The following SIN3A variants were observed in gnomAD, a reference collection of about 807,000 sequenced individuals.
The protein encoded by SIN3A is SIN3 transcription regulator family member A, also known as paired amphipathic helix protein Sin3a.
SIN3A carries 14 observed loss-of-function variants against 146.1 expected under a neutral mutation model. The observed-to-expected ratio is 0.10, with a 90% CI of 0.06 to 0.15. The LOEUF (loss-of-function observed/expected upper bound fraction) is 0.15, where lower values mean the gene tolerates loss of function less well. Among genes scored for constraint, SIN3A ranks in the 10% least tolerant of loss-of-function variants. The pLI is 1.00. For missense variants in SIN3A, 1,028 were observed against 1,576.0 expected (o/e 0.65, Z 5.89); for synonymous variants, 572 against 572.0 (o/e 1.00, Z 0.00).
chr15:75,400,830 A>G lies in SIN3A; in HGVS notation c.1637T>C (p.Ile546Thr). ...CAATCGTTTACAAGAAGCATAATCT[A>G]TCTCCATAGCAATGCCCTCTGTGGC... ...ERATEGIAME[I>T]DYASCKRLGS... The change falls in exon 11 of 21, where the codon ATA becomes ACA. Residue 546 changes from isoleucine to threonine, a missense_variant. Physicochemically the swap from Ile to Thr is moderately conservative, Grantham distance 89 (BLOSUM62 -1). Around this residue, in one of 9 missense-constraint regions of SIN3A, gnomAD observed 157 missense variants for 284.8 expected, o/e 0.55. Coordinates refer to ENST00000394947, the MANE Select transcript of SIN3A (RefSeq NM_001145358.2). The G allele has an allele frequency of 6.2e-7, 1 of 1,614,140 alleles. No individual in the cohort carries two copies. Among genetic ancestry groups the G allele is most frequent in the Non-Finnish European group, 8.5e-7 (1 of 1,180,004 alleles).
upstream of SIN3A, among the ~76,000 whole-genome samples, chr15:75,454,566 C>A (rs2074460893): frequency 6.6e-6 from 1 of 151,640 alleles, no homozygotes; most frequent in Non-Finnish European, 1.5e-5. Context: ...CCCCCCGCGC[C>A]CCTCCCCGCC....
In SIN3A at chr15:75,412,781, T is replaced by A. The variant is rs778298312; in HGVS notation, c.738A>T (p.Pro246=). The A allele has an allele frequency of 1.3e-6, 2 of 1,587,382 alleles. No homozygotes were observed. Among genetic ancestry groups the A allele is most frequent in the Non-Finnish European group, 1.7e-6 (2 of 1,165,196 alleles). Residue 246 remains proline (P), a synonymous_variant, in exon 5 of 21, where the codon CCA becomes CCT. Transcript: ENST00000394947. ...TGCTCACCTTGCTGACTTTGGCAGGTGGGGGCTGAGGAGCTGGCTGGGCAG... is the reference window on the plus strand; with the variant it reads ...TGCTCACCTTGCTGACTTTGGCAGGAGGGGGCTGAGGAGCTGGCTGGGCAG... ...PAPAQPAPQP[P]PAKVSKPSQL...
In SIN3A at chr15:75,404,619, G is replaced by A. The variant is rs1271240345; in HGVS notation, c.1407+2436C>T. The stretch of plus-strand genomic sequence containing the variant: ...TACTAAACATACAAAAATTAGCTGG[G>A]TGTGGTGGTGGGCGCCTGTAATCCC... On this transcript the variant is annotated intron_variant, in intron 9 of 20. Coordinates refer to ENST00000394947, the MANE Select transcript of SIN3A (RefSeq NM_001145358.2). Among the ~76,000 whole-genome samples the A allele has an allele frequency of 2.6e-5, 4 of 152,028 alleles. No individual in the cohort carries two copies. The East Asian group carries it at 7.7e-4, about 29-fold the overall frequency.
chr15:75,455,454 C>T (rs1319004767), upstream of SIN3A, among the ~76,000 whole-genome samples: 1 of 152,214 alleles, frequency 6.6e-6, no homozygotes, highest in Non-Finnish European at 1.5e-5. Context: ...CTTCTCCAGT[C>T]CGCCGCCAAA....
intron 6 of SIN3A, among the ~76,000 whole-genome samples, chr15:75,410,936 T>C (rs981488039): frequency 1.1e-4 from 17 of 147,964 alleles, no homozygotes; most frequent in Non-Finnish European, 2.4e-4. Flanking sequence ...CACTGCACTA[T>C]TGCACTCCAG....
At chr15:75,387,786 G>T (rs969112686) in intron 16 of SIN3A, among the ~76,000 whole-genome samples, 1 of 152,060 alleles carries the variant, frequency 6.6e-6, no homozygotes, top group African/African-American at 2.4e-5. Flanking sequence ...CATAAGCACA[G>T]GGTAACTGGA....
chr15:75,404,778 A>C (rs1179608905), intron 9 of SIN3A, among the ~76,000 whole-genome samples: 14 of 147,780 alleles, frequency 9.5e-5, no homozygotes, highest in African/African-American at 2.0e-4. Context: ...TAAAAAAAAA[A>C]CAAAAAAACA....
chr15:75,430,130 G>T, intron 2 of SIN3A, 57 bp downstream of exon 2: 1 of 1,399,402 alleles, frequency 7.1e-7, no homozygotes, highest in Non-Finnish European at 1.0e-6. Flanking sequence ...TTTTATAATT[G>T]CCTAAAACCA....
chr15:75,386,784 T>C (rs1463401157), intron 16 of SIN3A, among the ~76,000 whole-genome samples: 2 of 152,222 alleles, frequency 1.3e-5, no homozygotes, highest in South Asian at 2.1e-4. Flanking sequence ...TTGCCTATTG[T>C]ATTCTTAATA....
chr15:75,370,940 A>T lies in SIN3A; in HGVS notation c.*1039T>A. 1 of 147,386 alleles carries T rather than the reference A, an allele frequency of 6.8e-6. No individual in the cohort carries two copies. Among genetic ancestry groups the T allele is most frequent in the Non-Finnish European group, 1.5e-5 (1 of 67,254 alleles). 9.1% of individuals were successfully genotyped at this position (147,386 alleles called of 1,614,324 possible). On this transcript the variant is annotated 3_prime_UTR_variant, in exon 21 of 21. Coordinates refer to ENST00000394947, the MANE Select transcript of SIN3A (RefSeq NM_001145358.2). ...TGGGTTGAGAGTTTATTCCTTAAGTAAGAACCAAGCTTTATTTATTTACAA... is the reference window on the plus strand; with the variant it reads ...TGGGTTGAGAGTTTATTCCTTAAGTTAGAACCAAGCTTTATTTATTTACAA...
At chr15:75,436,724 G>A (rs1016477554) in intron 1 of SIN3A, among the ~76,000 whole-genome samples, 1 of 150,926 alleles carries the variant, frequency 6.6e-6, no homozygotes, top group Non-Finnish European at 1.5e-5. Flanking sequence ...TCTTGATAAA[G>A]TCTTGGAAAA....
rs1309682681 is a variant in SIN3A at position 75,411,598 on chromosome 15, G to A, written c.902C>T (p.Pro301Leu). Residue 301 changes from proline (P) to leucine (L), a missense_variant, in exon 6 of 21, where the codon CCT becomes CTT. By Grantham distance (98) the Pro-to-Leu change is moderately conservative. Around this residue, in one of 9 missense-constraint regions of SIN3A, gnomAD observed 14 missense variants for 54.4 expected, o/e 0.26. Coordinates refer to ENST00000394947, the MANE Select transcript of SIN3A (RefSeq NM_001145358.2). The part of the protein sequence containing the change: ...GTAPSLQNNQ[P>L]VEFNHAINYV... Reference sequence around the variant, plus strand: ...GTTGATGGCATGATTAAACTCCACAGGTTGATTGTTCTGCAAGGATGGGGC... The same window carrying A: ...GTTGATGGCATGATTAAACTCCACAAGTTGATTGTTCTGCAAGGATGGGGC... The A allele has an allele frequency of 6.2e-7, 1 of 1,614,022 alleles. No individual in the cohort carries two copies. Among genetic ancestry groups the A allele is most frequent in the Non-Finnish European group, 8.5e-7 (1 of 1,180,044 alleles).
intron 16 of SIN3A, among the ~76,000 whole-genome samples, chr15:75,387,342 T>C (rs1333913582): frequency 6.6e-6 from 1 of 151,890 alleles, no homozygotes; most frequent in African/African-American, 2.4e-5. Flanking sequence ...CTGGACAACA[T>C]GGCAAAACTC....
chr15:75,405,006 T>G (rs145644293), intron 9 of SIN3A, among the ~76,000 whole-genome samples: 139 of 151,508 alleles, frequency 9.2e-4, no homozygotes, highest in African/African-American at 3.3e-3. Flanking sequence ...ATTAGCTGAG[T>G]GTGGTGGTCT....
rs574432104 is a variant in SIN3A, at chr15:75,403,630, T to C, written c.1408-1660A>G. Among the ~76,000 whole-genome samples, 32 of 149,248 alleles carry C rather than the reference T, an allele frequency of 2.1e-4. No individual in the cohort carries two copies. In the South Asian group the frequency reaches 2.9e-3, roughly 14 times the overall value. ...ATCTCAGCTCACTGCAACCTCTGCC[T>C]CCCGGGTTCAAGCGATTCTCCTGCC... On this transcript the variant is annotated intron_variant, in intron 9 of 20. Transcript: ENST00000394947.
upstream of SIN3A, chr15:75,453,325 T>G (rs1311080278): frequency 6.6e-6 from 1 of 152,340 alleles, no homozygotes; most frequent in African/African-American, 2.4e-5. Context: ...AGCCAAGCCC[T>G]GCCCCAGGAC....
chr15:75,406,907 C>A (rs1392068069), intron 9 of SIN3A, 148 bp downstream of exon 9: 3 of 548,134 alleles, frequency 5.5e-6, no homozygotes, highest in Non-Finnish European at 9.6e-6. Context: ...TACTAGCAGA[C>A]TCAAAGGACT....
chr15:75,434,434 G>GCA (rs556421764), intron 1 of SIN3A, among the ~76,000 whole-genome samples: 239 of 152,246 alleles, frequency 1.6e-3, no homozygotes, highest in African/African-American at 5.5e-3. Flanking sequence ...CGGATCACTT[G>GCA]AGGTCAGGAG....
chr15:75,422,315 CAT>C, intron 3 of SIN3A: 1 of 573,824 alleles, frequency 1.7e-6, no homozygotes, highest in Middle Eastern at 4.6e-4. Flanking sequence ...TGTAGCCAAT[CAT>C]ATATGTGCTC....
Sources: gnomAD v4.1 joint callset for allele counts (sites outside exome capture counted in the v4.1 genomes callset) on GRCh38, gnomAD v4.1.1 for gene constraint, gnomAD v4.1.1 regional missense constraint, MANE v1.5 for transcripts, NCBI Gene and HGNC (gene_info 2026-07-23, HGNC 2026-07-21) for gene names.